The following NAA11 variants were observed in gnomAD, a reference collection of about 807,000 sequenced individuals.
NAA11 encodes N-alpha-acetyltransferase 11, NatA catalytic subunit.
A neutral mutation model predicts 16.1 loss-of-function variants in NAA11; 15 were observed. That is an observed-to-expected ratio of 0.93 (90% CI 0.62 to 1.44). The LOEUF (loss-of-function observed/expected upper bound fraction) is 1.44. Among genes scored for constraint, NAA11 ranks in the 40% most tolerant of loss-of-function variants. NAA11 has a pLI of 0.00. For missense variants in NAA11, 298 were observed against 291.3 expected, an observed-to-expected ratio of 1.02 and a Z score of -0.17; for synonymous variants, 122 against 112.4, an observed-to-expected ratio of 1.09 and a Z score of -0.54.
intron 2 of NAA11, among the ~76,000 whole-genome samples, chr4:79,259,975 T>C (rs935104233): frequency 2.0e-5 from 3 of 152,224 alleles, no homozygotes; most frequent in African/African-American, 7.2e-5. Context: ...TGGGTTATTT[T>C]TGAGAGTGCA....
the NAA11 span, among the ~76,000 whole-genome samples, chr4:79,220,115 C>T: frequency 2.3e-4 from 35 of 152,286 alleles, no homozygotes; most frequent in African/African-American, 6.5e-4. Context: ...TTTTTTGAGA[C>T]GGAGTCTCAT....
the NAA11 span, among the ~76,000 whole-genome samples, chr4:79,183,244 C>T: frequency 0.98 from 148,756 of 152,208 alleles, 72,781 homozygotes; most frequent in East Asian, 1. Context: ...TTTCTTCTTA[C>T]ACGTTGTGTC....
the NAA11 span, among the ~76,000 whole-genome samples, chr4:79,199,448 A>G: frequency 6.6e-6 from 1 of 151,906 alleles, no homozygotes; most frequent in Non-Finnish European, 1.5e-5. Flanking sequence ...ATGGCATCAG[A>G]AGGGACTCTG....
At chr4:79,249,224 A>G (rs551927305) in intron 2 of NAA11, among the ~76,000 whole-genome samples, 10 of 152,318 alleles carry the variant, frequency 6.6e-5, no homozygotes, top group African/African-American at 2.2e-4. Flanking sequence ...CTTACCTGCA[A>G]ATGACCACAC....
the NAA11 span, among the ~76,000 whole-genome samples, chr4:79,215,737 T>C: frequency 6.6e-6 from 1 of 152,230 alleles, no homozygotes; most frequent in African/African-American, 2.4e-5. Flanking sequence ...GTAGCTAGCA[T>C]GACTTGGACT....
chr4:79,208,206 C>T, the NAA11 span, among the ~76,000 whole-genome samples: 1 of 152,108 alleles, frequency 6.6e-6, no homozygotes, highest in Non-Finnish European at 1.5e-5. Context: ...CTCACTTGGC[C>T]TCTCCCTAGC....
At chr4:79,201,855 A>C in the NAA11 span, among the ~76,000 whole-genome samples, 1 of 151,750 alleles carries the variant, frequency 6.6e-6, no homozygotes, top group Non-Finnish European at 1.5e-5. Flanking sequence ...AATATTGTAA[A>C]GTTATCAAAA....
chr4:79,325,247 C>G lies in NAA11; in HGVS notation c.631G>C (p.Glu211Gln). The G allele has an allele frequency of 6.2e-7, 1 of 1,613,664 alleles. No homozygotes were observed. Among genetic ancestry groups the G allele is most frequent in the Non-Finnish European group, 8.5e-7 (1 of 1,179,734 alleles). Residue 211 changes from glutamate to glutamine, a missense_variant, in exon 1 of 2, where the codon GAG becomes CAG. Coordinates refer to ENST00000286794, the MANE Select transcript of NAA11 (RefSeq NM_032693.3). ...TGGACGTTGGTGCTCTCCACAGACT[C>G]CTTAGGTTCTTTGCTGTCACTGCCA... ...ESGSDSKEPK[E>Q]SVESTNVQDS...
the NAA11 span, among the ~76,000 whole-genome samples, chr4:79,193,478 A>T: frequency 1.3e-5 from 2 of 152,214 alleles, no homozygotes; most frequent in African/African-American, 4.8e-5. Flanking sequence ...TTTATTAAAT[A>T]GGGAATCGTT....
chr4:79,194,065 T>A, the NAA11 span, among the ~76,000 whole-genome samples: 31 of 152,292 alleles, frequency 2.0e-4, no homozygotes, highest in African/African-American at 7.0e-4. Flanking sequence ...TTTTTGCACA[T>A]TGATTTTGTA....
At chr4:79,242,869 T>C (rs1006466670) in intron 2 of NAA11, among the ~76,000 whole-genome samples, 6 of 152,238 alleles carry the variant, frequency 3.9e-5, no homozygotes, top group Non-Finnish European at 2.9e-5. Context: ...GGTTTATGTC[T>C]AACCTGTGCA....
the NAA11 span, among the ~76,000 whole-genome samples, chr4:79,172,320 T>C: frequency 6.6e-6 from 1 of 152,026 alleles, no homozygotes; most frequent in South Asian, 2.1e-4. Context: ...CTTGAACCAC[T>C]CTCAAAATTA....
intron 2 of NAA11, among the ~76,000 whole-genome samples, chr4:79,248,995 C>T (rs972380282): frequency 2.6e-5 from 4 of 152,166 alleles, no homozygotes; most frequent in African/African-American, 9.7e-5. Flanking sequence ...ACTTGAGCCC[C>T]CCCCCAGTGC....
chr4:79,272,933 A>C (rs973052017), intron 2 of NAA11, among the ~76,000 whole-genome samples: 1 of 151,890 alleles, frequency 6.6e-6, no homozygotes, highest in Non-Finnish European at 1.5e-5. Context: ...CTTTTTCTCC[A>C]TACAGTTCTT....
At chr4:79,225,543 G>A (rs2109951759), downstream of NAA11, among the ~76,000 whole-genome samples, 1 of 152,196 alleles carries the variant, frequency 6.6e-6, no homozygotes, top group South Asian at 2.1e-4. Flanking sequence ...GGCGTAATCA[G>A]AGTTGGTATC....
chr4:79,226,477 G>A lies in NAA11; in HGVS notation c.*123-207C>T, dbSNP rs186421672. 6.1e-4 allele frequency among the ~76,000 whole-genome samples: 93 copies of A among 151,914 alleles called. 2 individuals are homozygous for A. The East Asian group carries it at 0.011, about 18-fold the overall frequency. ...AAGTTCTAGGGTACATGTGCACAAC[G>A]TGCAGGTTTGTTACATATGCATACA... is the stretch of plus-strand genomic sequence containing the variant. On this transcript the variant is annotated intron_variant and NMD_transcript_variant, in intron 2 of 2. Coordinates refer to the NAA11 transcript ENST00000511542.
intron 2 of NAA11, among the ~76,000 whole-genome samples, chr4:79,278,031 G>A (rs1206252988): frequency 4.6e-5 from 7 of 152,048 alleles, no homozygotes; most frequent in Admixed American, 1.3e-4. Context: ...TTGGCCAGAA[G>A]GAGCTTCCCT....
the NAA11 span, among the ~76,000 whole-genome samples, chr4:79,158,847 A>G: frequency 6.6e-6 from 1 of 151,890 alleles, no homozygotes; most frequent in East Asian, 1.9e-4. Flanking sequence ...GAAGCAAACA[A>G]AAGCATAAAG....
the NAA11 span, among the ~76,000 whole-genome samples, chr4:79,209,828 T>G: frequency 6.6e-6 from 1 of 151,976 alleles, no homozygotes; most frequent in Non-Finnish European, 1.5e-5. Flanking sequence ...GGCAAATTGC[T>G]TGAGGCCAGG....
Sources: gnomAD v4.1 joint callset for allele counts (sites outside exome capture counted in the v4.1 genomes callset) on GRCh38, gnomAD v4.1.1 for gene constraint, MANE v1.5 for transcripts, NCBI Gene and HGNC (gene_info 2026-07-23, HGNC 2026-07-21) for gene names.